ANK2: variants seen among roughly 807,000 people sequenced by gnomAD.
ANK2 encodes the protein ankyrin-2.
In ANK2, 83 loss-of-function variants were observed where a neutral mutation model predicts 360.5. The observed-to-expected ratio is 0.23, with a 90% CI of 0.19 to 0.28. The LOEUF (loss-of-function observed/expected upper bound fraction) is 0.28, where lower values mean the gene tolerates loss of function less well. Among genes scored for constraint, ANK2 ranks in the 10% least tolerant of loss-of-function variants. The pLI is 1.00. For missense variants in ANK2, 4,201 were observed against 4,795.7 expected (o/e 0.88, Z 3.66); for synonymous variants, 1,740 against 1,759.5 (o/e 0.99, Z 0.28).
intron 4 of ANK2, among the ~76,000 whole-genome samples, chr4:113,228,829 A>T (rs1036044128): frequency 1.6e-4 from 24 of 152,030 alleles, no homozygotes; most frequent in African/African-American, 2.2e-4. Context: ...ATTTTTTTTT[A>T]AATTAAAAAC....
intron 2 of ANK2, among the ~76,000 whole-genome samples, chr4:113,032,064 A>T (rs768890601): frequency 5.3e-5 from 8 of 151,990 alleles, no homozygotes; most frequent in Middle Eastern, 3.2e-3. Flanking sequence ...ACATCCCAAA[A>T]ATCCTTGACA....
chr4:112,905,273 A>G (rs1466342259), intron 2 of ANK2, among the ~76,000 whole-genome samples: 1 of 152,206 alleles, frequency 6.6e-6, no homozygotes, highest in East Asian at 1.9e-4. Context: ...ATTGACAATC[A>G]TGCAAATATC....
intron 17 of ANK2, 102 bp from the exon 18 acceptor site, chr4:113,282,573 A>G (rs2062823820): frequency 2.6e-6 from 3 of 1,142,002 alleles, no homozygotes; most frequent in African/African-American, 3.1e-5. Context: ...CTCACTTTTA[A>G]CTCTTCTATT....
At chr4:112,919,855 T>A (rs2090995457) in intron 2 of ANK2, among the ~76,000 whole-genome samples, 1 of 152,146 alleles carries the variant, frequency 6.6e-6, no homozygotes, top group Non-Finnish European at 1.5e-5. Flanking sequence ...ATAAATATCA[T>A]TTTGATTAGT....
intron 26 of ANK2, among the ~76,000 whole-genome samples, chr4:113,325,544 A>C (rs998686053): frequency 6.6e-6 from 1 of 152,186 alleles, no homozygotes; most frequent in African/African-American, 2.4e-5. Flanking sequence ...TACTTGCTGC[A>C]TTCTCCTGTG....
chr4:112,742,737 T>G, the ANK2 span, among the ~76,000 whole-genome samples: 1 of 151,882 alleles, frequency 6.6e-6, no homozygotes, highest in African/African-American at 2.4e-5. Context: ...TTCTTTTTTT[T>G]TTTTTGAGAC....
chr4:112,827,125 G>A, intron 1 of ANK2: 1 of 1,077,262 alleles, frequency 9.3e-7, no homozygotes, highest in South Asian at 1.2e-5. Context: ...GACTGCAATT[G>A]CTCAGCATTG....
intron 1 of ANK2, among the ~76,000 whole-genome samples, chr4:112,901,359 T>C (rs1318083072): frequency 6.6e-6 from 1 of 152,222 alleles, no homozygotes; most frequent in African/African-American, 2.4e-5. Flanking sequence ...GTATCTATTA[T>C]TTAGTATTTT....
chr4:112,897,245 T>C (rs2082040260), intron 1 of ANK2, among the ~76,000 whole-genome samples: 1 of 152,162 alleles, frequency 6.6e-6, no homozygotes, highest in Non-Finnish European at 1.5e-5. Flanking sequence ...TGTTTCTCTC[T>C]CCTGGGTTTT....
chr4:113,354,648 C>G lies in ANK2; in HGVS notation c.6030C>G (p.Leu2010=). The change falls in exon 38 of 46, where the codon CTC becomes CTG. Residue 2010 remains leucine, a synonymous_variant. Transcript: ENST00000357077. ...GQDPSKHKTG[L]FEHKSAKQKQ... ...ACCCTTCTAAACATAAAACTGGACT[C>G]TTTGAGCACAAATCAGCAAAACAAA... The G allele has an allele frequency of 1.2e-6, 2 of 1,614,094 alleles. No homozygotes were observed. The highest frequency in any genetic ancestry group is 8.5e-7 in the Non-Finnish European group (1 of 1,180,012).
chr4:112,950,810 C>T (rs1200510501), intron 2 of ANK2, among the ~76,000 whole-genome samples: 1 of 150,190 alleles, frequency 6.7e-6, no homozygotes, highest in East Asian at 2.0e-4. Flanking sequence ...CGGCCGGGCG[C>T]GGTGGCTCAC....
At chr4:113,250,888 T>C (rs1233524622) in intron 10 of ANK2, among the ~76,000 whole-genome samples, 1 of 151,522 alleles carries the variant, frequency 6.6e-6, no homozygotes, top group Non-Finnish European at 1.5e-5. Context: ...AACTAGCCCA[T>C]ATGTTTAAGA....
At chr4:112,793,328 G>C in the ANK2 span, among the ~76,000 whole-genome samples, 7 of 152,200 alleles carry the variant, frequency 4.6e-5, no homozygotes, top group Non-Finnish European at 8.8e-5. Context: ...AAATCTAAAT[G>C]TGTTTCTTTA....
chr4:113,199,134 T>G (rs1403089997), intron 4 of ANK2, 25 bp downstream of exon 4: 12 of 1,530,790 alleles, frequency 7.8e-6, no homozygotes, highest in African/African-American at 1.4e-5. Flanking sequence ...TTTTCCCTGA[T>G]GTACATACAT....
At chr4:112,742,873 C>T in the ANK2 span, among the ~76,000 whole-genome samples, 4 of 151,982 alleles carry the variant, frequency 2.6e-5, no homozygotes, top group East Asian at 1.9e-4. Flanking sequence ...TACAGGCACC[C>T]GCCACCATGC....
the ANK2 span, among the ~76,000 whole-genome samples, chr4:112,722,177 T>C: frequency 6.6e-6 from 1 of 152,150 alleles, no homozygotes; most frequent in Non-Finnish European, 1.5e-5. Context: ...AGTTTGCAAT[T>C]TATCTTGTGT....
intron 2 of ANK2, among the ~76,000 whole-genome samples, chr4:112,977,781 TC>T (rs1314294919): frequency 6.6e-6 from 1 of 152,118 alleles, no homozygotes; most frequent in Non-Finnish European, 1.5e-5. Context: ...CCTCTCTGTG[TC>T]CATGTGTTCT....
the ANK2 span, among the ~76,000 whole-genome samples, chr4:112,756,574 G>C: frequency 6.6e-6 from 1 of 152,196 alleles, no homozygotes; most frequent in Non-Finnish European, 1.5e-5. Flanking sequence ...TTACTTGGGA[G>C]AATTGGTTAT....
chr4:113,073,326 A>G (rs1228696220), intron 1 of ANK2, among the ~76,000 whole-genome samples: 5 of 152,120 alleles, frequency 3.3e-5, no homozygotes, highest in African/African-American at 1.2e-4. Context: ...CAGCTAATTT[A>G]TTTAAAAAAT....
Sources: allele counts gnomAD v4.1 joint callset (sites outside exome capture counted in the v4.1 genomes callset), GRCh38; gene constraint gnomAD v4.1.1; transcripts MANE v1.5; gene names NCBI Gene and HGNC (gene_info 2026-07-23, HGNC 2026-07-21).